GNB1L: variants seen among roughly 807,000 people sequenced by gnomAD.
GNB1L encodes the protein guanine nucleotide-binding protein subunit beta-like protein 1.
A neutral mutation model predicts 29.1 loss-of-function variants in GNB1L; 20 were observed. The ratio of observed to expected loss-of-function variants is 0.69; its 90% CI spans 0.48 to 1.00. The LOEUF is 1.00. GNB1L is among the 50% of genes least tolerant of loss of function. The pLI is 0.00. For missense variants in GNB1L, 421 were observed against 464.9 expected (o/e 0.91, Z 0.87); for synonymous variants, 193 against 206.5 (o/e 0.93, Z 0.56).
chr22:19,835,084 G>A (rs1286998056), intron 2 of GNB1L, among the ~76,000 whole-genome samples: 1 of 152,154 alleles, frequency 6.6e-6, no homozygotes, highest in Non-Finnish European at 1.5e-5. Flanking sequence ...TGTAAATACT[G>A]AGCTAATAAG....
Position 19,802,235 on chromosome 22 carries a change from C to T in GNB1L, c.517-19G>A, listed in dbSNP as rs1156276621. On this transcript the variant is annotated intron_variant, in intron 6 of 7. Transcript: ENST00000329517. ...AGTCGGCCTGCGGGGAACAGCAGAG[C>T]AGTCAGCTCCTGGAAGGACCCTGAC... The T allele has an allele frequency of 6.2e-7, 1 of 1,604,354 alleles. No homozygotes were observed. The highest frequency in any genetic ancestry group is 1.1e-5 in the South Asian group (1 of 90,914).
At chr22:19,847,403 A>T (rs1601353901) in intron 2 of GNB1L, 1 of 985,432 alleles carries the variant, frequency 1.0e-6, no homozygotes, top group South Asian at 4.7e-5. Flanking sequence ...CTGTTCAAAA[A>T]ACAGTGACAC....
intron 4 of GNB1L, among the ~76,000 whole-genome samples, chr22:19,817,180 A>G (rs1397491990): frequency 6.6e-6 from 1 of 152,198 alleles, no homozygotes; most frequent in African/African-American, 2.4e-5. Context: ...AAAATGAGTA[A>G]CTTTGTTCAT....
Position 19,838,848 on chromosome 22 carries a change from C to T in GNB1L, c.-21+15595G>A, listed in dbSNP as rs143805321. The stretch of plus-strand genomic sequence containing the variant: ...TTCTAGAGAAGTGAAAACTTATATG[C>T]AAACAAAAACCTGTACATGAATGTT... On this transcript the variant is annotated intron_variant, in intron 2 of 7. Transcript: ENST00000329517. Among the ~76,000 whole-genome samples the T allele has an allele frequency of 1.6e-3, 236 of 152,240 alleles. 2 individuals carry two copies. The highest frequency in any genetic ancestry group is 5.5e-3 in the African/African-American group (227 of 41,530).
chr22:19,792,984 G>T, intron 7 of GNB1L: 2 of 1,521,616 alleles, frequency 1.3e-6, no homozygotes. Context: ...TGACAGATAC[G>T]ATGAGATCCG....
chr22:19,814,117 C>T (rs1248911350), intron 4 of GNB1L, among the ~76,000 whole-genome samples: 1 of 152,148 alleles, frequency 6.6e-6, no homozygotes, highest in Non-Finnish European at 1.5e-5. Flanking sequence ...TCTGCATGAG[C>T]CCATCCTCAT....
intron 2 of GNB1L, among the ~76,000 whole-genome samples, chr22:19,843,548 G>A (rs757185752): frequency 6.6e-6 from 1 of 152,194 alleles, no homozygotes; most frequent in Non-Finnish European, 1.5e-5. Flanking sequence ...CGGGGAATAA[G>A]GTATGCCCCC....
Position 19,802,130 on chromosome 22 carries a change from G to A in GNB1L, c.603C>T (p.Cys201=). ...VLWDVSEQKV[C]SRIACHEEPV... is the part of the protein sequence containing the mutation. Reference sequence around the variant, plus strand: ...GCTCCTCATGGCAGGCGATGCGGCTGCACACCTTCTGCTCAGAGACGTCCC... The same window carrying A: ...GCTCCTCATGGCAGGCGATGCGGCTACACACCTTCTGCTCAGAGACGTCCC... The change falls in exon 7 of 8, where the codon TGC becomes TGT. Residue 201 remains cysteine, a synonymous_variant. Coordinates refer to ENST00000329517, the MANE Select transcript of GNB1L (RefSeq NM_053004.3). The A allele has an allele frequency of 6.2e-7, 1 of 1,613,336 alleles. No individual in the cohort carries two copies. The highest frequency in any genetic ancestry group is 8.5e-7 in the Non-Finnish European group (1 of 1,180,012).
chr22:19,843,360 G>C (rs905849515), intron 2 of GNB1L, among the ~76,000 whole-genome samples: 1 of 152,242 alleles, frequency 6.6e-6, no homozygotes, highest in Non-Finnish European at 1.5e-5. Flanking sequence ...GGGAGGCAGC[G>C]GCTTCAAAGA....
intron 2 of GNB1L, among the ~76,000 whole-genome samples, chr22:19,833,877 C>CAATAAT (rs1296750582): frequency 2.0e-5 from 3 of 149,020 alleles, no homozygotes; most frequent in South Asian, 4.2e-4. Context: ...AAGAGAAAAA[C>CAATAAT]AATAATAATA....
intron 7 of GNB1L, among the ~76,000 whole-genome samples, chr22:19,790,350 G>A (rs906689574): frequency 6.6e-6 from 1 of 152,130 alleles, no homozygotes; most frequent in Non-Finnish European, 1.5e-5. Flanking sequence ...CTCAGCTTTT[G>A]TCCTTTGGGG....
At chr22:19,838,864 C>T (rs746032932) in intron 2 of GNB1L, among the ~76,000 whole-genome samples, 4 of 152,078 alleles carry the variant, frequency 2.6e-5, no homozygotes, top group Admixed American at 1.3e-4. Flanking sequence ...AAAACCTGTA[C>T]ATGAATGTTT....
intron 2 of GNB1L, among the ~76,000 whole-genome samples, chr22:19,834,781 G>A (rs74436889): frequency 0.015 from 2,270 of 150,884 alleles, 62 homozygotes; most frequent in African/African-American, 0.052. Context: ...CAGGAAAGAG[G>A]GGATAGAAGA....
Position 19,854,810 on chromosome 22 carries a change from C to G in GNB1L, c.-118+10G>C, listed in dbSNP as rs906364097. 1 of 152,366 alleles carries G rather than the reference C, an allele frequency of 6.6e-6. No homozygotes were observed. The highest frequency in any genetic ancestry group is 1.5e-5 in the Non-Finnish European group (1 of 68,148). The allele number at this position is 152,366 out of a possible 1,614,324, so 9.4% of individuals were successfully genotyped here. ...AAGCCGGCCGCCCGGGCTCCCGCCT[C>G]CACACTGACCCTCTTGCCGGAGTCG... On this transcript the variant is annotated intron_variant, in intron 1 of 7. Coordinates refer to ENST00000329517, the MANE Select transcript of GNB1L (RefSeq NM_053004.3).
At chr22:19,824,910 G>C (rs910668278) in intron 2 of GNB1L, among the ~76,000 whole-genome samples, 2 of 152,222 alleles carry the variant, frequency 1.3e-5, no homozygotes, top group Non-Finnish European at 2.9e-5. Context: ...ATGCCAGACA[G>C]GCCTCAGCTC....
intron 7 of GNB1L, among the ~76,000 whole-genome samples, chr22:19,800,927 C>T (rs562342776): frequency 2.0e-3 from 310 of 152,328 alleles, no homozygotes; most frequent in Non-Finnish European, 3.5e-3. Context: ...GAACCCTCCC[C>T]GCCCCACAGG....
intron 2 of GNB1L, chr22:19,851,631 C>A (rs749223065): frequency 2.5e-6 from 4 of 1,594,362 alleles, no homozygotes; most frequent in Admixed American, 1.7e-5. Context: ...TGCCTCACCA[C>A]AGGCAGCTGA....
rs148297548 is a variant in GNB1L, at chr22:19,816,414, C to A, written c.255-3967G>T. Among the ~76,000 whole-genome samples, 574 of 152,290 alleles carry A rather than the reference C, an allele frequency of 3.8e-3. 4 individuals are homozygous for A. Among genetic ancestry groups the A allele is most frequent in the Non-Finnish European group, 6.5e-3 (442 of 68,012 alleles). ...TGCAGGCTGGCTCAGAATCCTCTGA[C>A]GTGGCCATCTGCGAGATGTCCAGAC... On this transcript the variant is annotated intron_variant, in intron 4 of 7. Coordinates refer to ENST00000329517, the MANE Select transcript of GNB1L (RefSeq NM_053004.3). This position sits in a 1 kb window ranked among gnomAD's most constrained non-coding sequence, Gnocchi z 4.4.
At chr22:19,807,533 A>G (rs2145872072) in intron 5 of GNB1L, among the ~76,000 whole-genome samples, 1 of 152,236 alleles carries the variant, frequency 6.6e-6, no homozygotes, top group East Asian at 1.9e-4. Flanking sequence ...CACTGATTCT[A>G]TCTCCTCTGT....
Sources: allele counts gnomAD v4.1 joint callset (sites outside exome capture counted in the v4.1 genomes callset), GRCh38; gene constraint gnomAD v4.1.1; non-coding constraint Gnocchi (gnomAD v3.1); transcripts MANE v1.5; gene names NCBI Gene and HGNC (gene_info 2026-07-23, HGNC 2026-07-21).